CACNB4: variants seen among roughly 807,000 people sequenced by gnomAD.
CACNB4 encodes calcium voltage-gated channel auxiliary subunit beta 4.
In CACNB4, 32 loss-of-function variants were observed where a neutral mutation model predicts 71.2. The observed-to-expected ratio is 0.45, with a 90% CI of 0.34 to 0.60. CACNB4 has a LOEUF of 0.60. Ranked by LOEUF, CACNB4 falls within the 20% of genes least tolerant of loss-of-function variation. The pLI, the probability that CACNB4 is intolerant of heterozygous loss-of-function variation, is 0.01. For synonymous variants in CACNB4, 231 were observed against 236.9 expected (o/e 0.97, Z 0.23); for missense variants, 464 against 647.9 (o/e 0.72, Z 3.08).
In CACNB4 at chr2:151,839,261, A is replaced by C. The variant is rs941708614; in HGVS notation, c.1421T>G (p.Leu474Trp). The C allele has an allele frequency of 3.1e-6, 5 of 1,613,698 alleles. No homozygotes were observed. Among genetic ancestry groups the C allele is most frequent in the Non-Finnish European group, 4.2e-6 (5 of 1,179,734 alleles). Reference protein sequence around the residue: ...NERARKSRNRLSSSSQHSRDH... With the variant: ...NERARKSRNRWSSSSQHSRDH... ...TCGGCTATGCTGAGAACTGGAAGAC[A>C]AGCGGTTCCTACTCTTCCGAGCCCT... Residue 474 changes from leucine (L) to tryptophan (W), a missense_variant, in exon 14 of 14, where the codon TTG becomes TGG. Leu to Trp is a moderately conservative substitution (Grantham distance 61). This residue lies in a region of CACNB4 where 115 missense variants were observed against 128.8 expected (regional missense o/e 0.89). Coordinates refer to ENST00000539935, the MANE Select transcript of CACNB4 (RefSeq NM_000726.5).
chr2:152,044,848 C>T (rs1466407644), intron 2 of CACNB4, among the ~76,000 whole-genome samples: 1 of 152,228 alleles, frequency 6.6e-6, no homozygotes, highest in South Asian at 2.1e-4. Context: ...ATGAAAAACC[C>T]AAGGCCAGTT....
intron 2 of CACNB4, chr2:151,967,489 G>C (rs1416119868): frequency 6.6e-6 from 1 of 152,098 alleles, no homozygotes; most frequent in African/African-American, 2.4e-5. Flanking sequence ...GTCTTATGGA[G>C]ATTTAAAAAG....
intron 2 of CACNB4, among the ~76,000 whole-genome samples, chr2:151,933,741 T>A (rs113002439): frequency 3.4e-3 from 518 of 152,318 alleles, no homozygotes; most frequent in Middle Eastern, 0.02. Context: ...GCACTTGATA[T>A]CAAACTCCAT....
chr2:152,070,873 G>A (rs889820821), intron 2 of CACNB4, among the ~76,000 whole-genome samples: 18 of 152,220 alleles, frequency 1.2e-4, no homozygotes, highest in African/African-American at 3.9e-4. Context: ...GTTCAAGCGA[G>A]TCTCCTGCCT....
chr2:151,837,642 T>G lies in CACNB4; in HGVS notation c.*1477A>C, dbSNP rs1301305800. The G allele has an allele frequency of 6.6e-6, 1 of 151,896 alleles. No individual in the cohort carries two copies. The highest frequency in any genetic ancestry group is 1.5e-5 in the Non-Finnish European group (1 of 67,916). The allele number at this position is 151,896 out of a possible 1,614,324, so 9.4% of individuals were successfully genotyped here. A position where few individuals can be genotyped will look rare whatever the true frequency, so the allele number is the denominator to read the frequency against. On this transcript the variant is annotated 3_prime_UTR_variant, in exon 14 of 14. Coordinates refer to ENST00000539935, the MANE Select transcript of CACNB4 (RefSeq NM_000726.5). Reference sequence around the variant, plus strand: ...GTTTTTTTTTTTAAAGACATTTGTGTAAAAAGGGTCAATTTCAATAATTTC... The same window carrying G: ...GTTTTTTTTTTTAAAGACATTTGTGGAAAAAGGGTCAATTTCAATAATTTC...
At position 151,995,905 on chromosome 2, in the gene CACNB4, A is replaced by T. The variant is rs192630714; in HGVS notation, c.147+102425T>A. On this transcript the variant is annotated intron_variant, in intron 2 of 13. Transcript: ENST00000539935. ...TACTCCAGCTCTCCAAATAGCTTTC[A>T]TTCTCCTGAACTAGTGGAGGGCTGA... is the stretch of plus-strand genomic sequence containing the variant. Among the ~76,000 whole-genome samples the T allele has an allele frequency of 2.9e-3, 443 of 152,320 alleles. 2 individuals are homozygous for T. The highest frequency in any genetic ancestry group is 0.01 in the African/African-American group (432 of 41,558).
At chr2:151,999,223 C>T (rs942815965) in intron 2 of CACNB4, among the ~76,000 whole-genome samples, 4 of 152,126 alleles carry the variant, frequency 2.6e-5, no homozygotes, top group Middle Eastern at 3.2e-3. Context: ...CAGAACGGTG[C>T]TCCCCTTGGA....
chr2:151,941,603 G>GA (rs533001988), intron 2 of CACNB4, among the ~76,000 whole-genome samples: 61 of 142,978 alleles, frequency 4.3e-4, no homozygotes, highest in South Asian at 2.0e-3. Flanking sequence ...TTTGAAAAGG[G>GA]AAAAAAAAAA....
In CACNB4 at chr2:151,883,293, C is replaced by G; in HGVS notation, c.225G>C (p.Gln75His). ...SLEEDREAIR[Q>H]EREQQAAIQL... ...GGATAGCTGCTTGCTGTTCTCTCTCCTGTCGAATTGCTTCCCGGTCCTCTT... is the reference window on the plus strand; with the variant it reads ...GGATAGCTGCTTGCTGTTCTCTCTCGTGTCGAATTGCTTCCCGGTCCTCTT... The change falls in exon 3 of 14, where the codon CAG (glutamine) becomes CAC (histidine). Residue 75 changes from glutamine to histidine, a missense_variant. Around this residue, in one of 3 missense-constraint regions of CACNB4, gnomAD observed 299 missense variants for 471.7 expected, o/e 0.63. Transcript: ENST00000539935. 6.2e-7 allele frequency: 1 copy of G among 1,613,926 alleles called. No homozygotes were observed. The highest frequency in any genetic ancestry group is 8.5e-7 in the Non-Finnish European group (1 of 1,179,800).
chr2:151,859,644 A>G (rs1223367834), intron 10 of CACNB4: 1 of 152,184 alleles, frequency 6.6e-6, no homozygotes, highest in Non-Finnish European at 1.5e-5. Flanking sequence ...AATACAAGAC[A>G]AAAGAAGGGA....
intron 2 of CACNB4, among the ~76,000 whole-genome samples, chr2:152,013,618 G>T (rs551466173): frequency 7.4e-4 from 112 of 152,254 alleles, no homozygotes; most frequent in Non-Finnish European, 1.4e-3. Flanking sequence ...ACGAGATCCT[G>T]CACAAAAGCA....
chr2:152,074,606 CCACCAT>C (rs1686895057), intron 2 of CACNB4, among the ~76,000 whole-genome samples: 1 of 151,548 alleles, frequency 6.6e-6, no homozygotes, highest in Non-Finnish European at 1.5e-5. Flanking sequence ...ACCCTCCTCT[CCACCAT>C]CACCATCACC....
intron 2 of CACNB4, among the ~76,000 whole-genome samples, chr2:152,016,185 T>A (rs1273046298): frequency 6.6e-6 from 1 of 152,220 alleles, no homozygotes; most frequent in Non-Finnish European, 1.5e-5. Flanking sequence ...GAGATTCTCA[T>A]TCAGAGATAC....
intron 2 of CACNB4, among the ~76,000 whole-genome samples, chr2:151,938,292 T>C (rs1359452023): frequency 6.6e-6 from 1 of 152,224 alleles, no homozygotes; most frequent in Non-Finnish European, 1.5e-5. Context: ...GTCAACTCTG[T>C]CCAGCAGACA....
At chr2:152,041,392 A>G (rs367875850) in intron 2 of CACNB4, among the ~76,000 whole-genome samples, 16 of 152,336 alleles carry the variant, frequency 1.1e-4, no homozygotes, top group African/African-American at 3.8e-4. Context: ...GAAGAAGGTA[A>G]AGGGCAATCT....
In CACNB4 at chr2:151,833,660, G is replaced by A. The variant is rs936909671; in HGVS notation, c.*5459C>T. 2 of 152,018 alleles carry A rather than the reference G, an allele frequency of 1.3e-5. No homozygotes were observed. The highest frequency in any genetic ancestry group is 4.8e-5 in the African/African-American group (2 of 41,422). 9.4% of individuals were successfully genotyped at this position (152,018 alleles called of 1,614,324 possible). On this transcript the variant is annotated 3_prime_UTR_variant, in exon 14 of 14. Transcript: ENST00000539935. ...TATCAAGCAGCAAGTTAAAAAGATG[G>A]TAGATGAAGTAAATCTGACAAAACT...
At chr2:152,041,533 G>C (rs1031829836) in intron 2 of CACNB4, among the ~76,000 whole-genome samples, 7 of 152,188 alleles carry the variant, frequency 4.6e-5, no homozygotes, top group African/African-American at 1.7e-4. Context: ...GGATATTATT[G>C]CTGGTTATGA....
chr2:151,987,829 C>T lies in CACNB4; in HGVS notation c.148-104459G>A, dbSNP rs546179309. ...GCGACCCACCAATTTAAATGTCTTC[C>T]CTTTGTATATTTCCATTTCCAATGA... On this transcript the variant is annotated intron_variant, in intron 2 of 13. Transcript: ENST00000539935. Among the ~76,000 whole-genome samples the T allele has an allele frequency of 2.0e-5, 3 of 152,232 alleles. No homozygotes were observed. In the East Asian group the frequency reaches 5.8e-4, roughly 29 times the overall value.
intron 2 of CACNB4, among the ~76,000 whole-genome samples, chr2:152,028,986 G>A (rs1478168774): frequency 6.6e-6 from 1 of 152,164 alleles, no homozygotes; most frequent in Admixed American, 6.5e-5. Context: ...CAGAAGAAAT[G>A]GATTAAGGCC....
Sources: gnomAD v4.1 joint callset for allele counts (sites outside exome capture counted in the v4.1 genomes callset) on GRCh38, gnomAD v4.1.1 for gene constraint, gnomAD v4.1.1 regional missense constraint, MANE v1.5 for transcripts, NCBI Gene and HGNC (gene_info 2026-07-23, HGNC 2026-07-21) for gene names.